Variants in GLI3 observed in about 807,000 individuals in gnomAD.
GLI3 encodes transcription activator GLI3.
GLI3 carries 20 observed loss-of-function variants against 100.8 expected under a neutral mutation model. That is an observed-to-expected ratio of 0.20 (90% CI 0.14 to 0.29). The LOEUF is 0.29. Among genes scored for constraint, GLI3 ranks in the 10% least tolerant of loss-of-function variants. The pLI is 1.00. For missense variants in GLI3, 2,040 were observed against 2,128.5 expected (o/e 0.96, Z 0.82); for synonymous variants, 938 against 860.5 (o/e 1.09, Z -1.58).
intron 3 of GLI3, among the ~76,000 whole-genome samples, chr7:42,111,436 G>A (rs1785704091): frequency 6.6e-6 from 1 of 152,060 alleles, no homozygotes; most frequent in African/African-American, 2.4e-5. Flanking sequence ...GGTAATCTTG[G>A]GGGCATTTCA....
intron 2 of GLI3, among the ~76,000 whole-genome samples, chr7:42,171,457 T>G (rs1305446089): frequency 6.6e-6 from 1 of 152,200 alleles, no homozygotes; most frequent in Non-Finnish European, 1.5e-5. Flanking sequence ...TAGAAGGAAA[T>G]GTACTAAAAT....
Position 41,965,088 on chromosome 7 carries a change from C to G in GLI3, c.3985G>C (p.Gly1329Arg). ...GCCCCCGGGTGCTGCATGCTGTCGC[C>G]GAGGAGCTGGTGAGCCAGGTACCCC... ...GQGYLAHQLL[G>R]DSMQHPGAGR... Residue 1329 changes from glycine to arginine, a missense_variant, in exon 15 of 15, where the codon GGC becomes CGC. This residue lies in a region of GLI3 where 1,041 missense variants were observed against 924.0 expected (regional missense o/e 1.13). Transcript: ENST00000395925. The G allele has an allele frequency of 1.2e-6, 2 of 1,613,794 alleles. No individual in the cohort carries two copies. Among genetic ancestry groups the G allele is most frequent in the Non-Finnish European group, 1.7e-6 (2 of 1,180,014 alleles).
In GLI3 at chr7:42,135,039, C is replaced by T. The variant is rs527493256; in HGVS notation, c.367+13187G>A. On this transcript the variant is annotated intron_variant, in intron 3 of 14. Coordinates refer to ENST00000395925, the MANE Select transcript of GLI3 (RefSeq NM_000168.6). ...GAGTCAAAGCTCTATTGTAAAAACC[C>T]CCTTGGAATCTGAAATCACCGTCAC... is the stretch of plus-strand genomic sequence containing the variant. Among the ~76,000 whole-genome samples the T allele has an allele frequency of 2.6e-4, 40 of 152,196 alleles. No individual in the cohort carries two copies. In the South Asian group the frequency reaches 4.6e-3, roughly 17 times the overall value.
rs60710861 is a variant in GLI3 at position 42,210,338 on chromosome 7, G to GC, written c.124+12791dup. Reference sequence around the variant, plus strand: ...CCCTCACTTCTATTCAAAAATGAAAGCCCCCCCCCCCCCCCCAAGTTAAAA... The same window carrying GC: ...CCCTCACTTCTATTCAAAAATGAAAGCCCCCCCCCCCCCCCCCAAGTTAAAA... On this transcript the variant is annotated intron_variant, in intron 2 of 14. Transcript: ENST00000395925. Among the ~76,000 whole-genome samples the GC allele has an allele frequency of 7.5e-4, 76 of 100,928 alleles. 1 individual carries two copies. The highest frequency in any genetic ancestry group is 5.3e-3 in the Middle Eastern group (1 of 188). 66.2% of individuals were successfully genotyped at this position (100,928 alleles called of 152,430 possible).
At chr7:42,034,865 GA>G (rs1789397310) in intron 7 of GLI3, among the ~76,000 whole-genome samples, 1 of 151,998 alleles carries the variant, frequency 6.6e-6, no homozygotes. Flanking sequence ...AATATGCTTA[GA>G]GGCTTTTCCC....
chr7:42,232,470 C>T (rs1171530581), intron 1 of GLI3, among the ~76,000 whole-genome samples: 1 of 152,200 alleles, frequency 6.6e-6, no homozygotes, highest in Non-Finnish European at 1.5e-5. Context: ...CACTAATACA[C>T]TGATGACTAA....
chr7:42,014,263 T>A (rs1214132287), intron 10 of GLI3, among the ~76,000 whole-genome samples: 1 of 152,196 alleles, frequency 6.6e-6, no homozygotes, highest in African/African-American at 2.4e-5. Context: ...AGTCTAGCAA[T>A]CACATCTCCC....
chr7:42,194,407 G>T (rs960991539), intron 2 of GLI3, among the ~76,000 whole-genome samples: 2 of 152,188 alleles, frequency 1.3e-5, no homozygotes. Flanking sequence ...CGGCATTGTT[G>T]TCCCAAGGGG....
intron 3 of GLI3, among the ~76,000 whole-genome samples, chr7:42,131,351 G>A (rs1786270801): frequency 6.6e-6 from 1 of 151,700 alleles, no homozygotes; most frequent in African/African-American, 2.4e-5. Flanking sequence ...CAAATAATAG[G>A]GAAAAAACTA....
At chr7:42,124,247 G>T (rs1019154789) in intron 3 of GLI3, among the ~76,000 whole-genome samples, 5 of 152,178 alleles carry the variant, frequency 3.3e-5, no homozygotes, top group African/African-American at 1.2e-4. Flanking sequence ...ATGTCAGGTG[G>T]CCTATATGAC....
intron 10 of GLI3, among the ~76,000 whole-genome samples, chr7:41,991,374 T>A (rs1787983193): frequency 6.6e-6 from 1 of 152,176 alleles, no homozygotes; most frequent in Non-Finnish European, 1.5e-5. Flanking sequence ...CTTTTCAACC[T>A]GTAGAAGTAT....
intron 4 of GLI3, among the ~76,000 whole-genome samples, chr7:42,054,093 A>G (rs897746046): frequency 3.9e-5 from 6 of 152,128 alleles, no homozygotes; most frequent in African/African-American, 9.7e-5. Context: ...TTGTTTCCGT[A>G]TTGCCCAGTG....
chr7:42,223,092 C>T lies in GLI3; in HGVS notation c.124+38G>A, dbSNP rs137973677. ...AGGAATGCAGAGAACACAGAAATGA[C>T]TCCAGGCTGGGCTGCTGGTAATCCC... On this transcript the variant is annotated intron_variant, in intron 2 of 14. Coordinates refer to ENST00000395925, the MANE Select transcript of GLI3 (RefSeq NM_000168.6). The T allele has an allele frequency of 3.7e-6, 6 of 1,610,788 alleles. No individual in the cohort carries two copies. In the East Asian group the frequency reaches 1.3e-4, roughly 36 times the overall value.
At chr7:42,011,896 A>C (rs931001628) in intron 10 of GLI3, among the ~76,000 whole-genome samples, 7 of 152,184 alleles carry the variant, frequency 4.6e-5, no homozygotes, top group Non-Finnish European at 1.0e-4. Flanking sequence ...TGCAAACTTC[A>C]AAATGGACAA....
intron 2 of GLI3, among the ~76,000 whole-genome samples, chr7:42,158,552 C>T (rs1347112574): frequency 6.6e-6 from 1 of 151,660 alleles, no homozygotes. Flanking sequence ...GTCAAAGGCA[C>T]AATCTTAGCT....
At chr7:42,240,680 A>T (rs1788915592), upstream of GLI3, among the ~76,000 whole-genome samples, 1 of 152,152 alleles carries the variant, frequency 6.6e-6, no homozygotes, top group Non-Finnish European at 1.5e-5. Flanking sequence ...CTCCAGAATG[A>T]CCTCATCTTA....
At chr7:42,188,453 A>G (rs971654906) in intron 2 of GLI3, among the ~76,000 whole-genome samples, 2 of 152,364 alleles carry the variant, frequency 1.3e-5, no homozygotes, top group East Asian at 3.9e-4. Context: ...ACTTTAAGGA[A>G]TTTATAAAAA....
intron 2 of GLI3, among the ~76,000 whole-genome samples, chr7:42,167,914 T>C (rs1328303288): frequency 2.0e-5 from 3 of 152,206 alleles, no homozygotes; most frequent in Admixed American, 2.0e-4. Context: ...TTGGTACATC[T>C]CTCAAACTCA....
rs1785515676 is a variant in GLI3 at position 42,103,745 on chromosome 7, A to G, written c.368-26888T>C. Among the ~76,000 whole-genome samples, 3 of 130,578 alleles carry G rather than the reference A, an allele frequency of 2.3e-5. No individual in the cohort carries two copies. In the South Asian group the frequency reaches 7.9e-4, roughly 35 times the overall value. 85.7% of individuals were successfully genotyped at this position (130,578 alleles called of 152,430 possible). On this transcript the variant is annotated intron_variant, in intron 3 of 14. Transcript: ENST00000395925. ...AAAGACACTAAATCACCTATCCAAG[A>G]GCACCCAAGATAACCCAAGATAAGG...
Sources: gnomAD v4.1 joint callset for allele counts (sites outside exome capture counted in the v4.1 genomes callset) on GRCh38, gnomAD v4.1.1 for gene constraint, gnomAD v4.1.1 regional missense constraint, MANE v1.5 for transcripts, NCBI Gene and HGNC (gene_info 2026-07-23, HGNC 2026-07-21) for gene names.